FRAS1: variants seen among roughly 807,000 people sequenced by gnomAD.
The protein encoded by FRAS1 is extracellular matrix organizing protein FRAS1.
In FRAS1, 290 loss-of-function variants were observed where a neutral mutation model predicts 435.2. The ratio of observed to expected loss-of-function variants is 0.67; its 90% CI spans 0.61 to 0.73. FRAS1 has a LOEUF of 0.73. Among genes scored for constraint, FRAS1 ranks in the 30% least tolerant of loss-of-function variants. The pLI, the probability that FRAS1 is intolerant of heterozygous loss-of-function variation, is 0.00. For synonymous variants in FRAS1, 1,800 were observed against 1,851.0 expected (o/e 0.97, Z 0.71); for missense variants, 4,860 against 5,001.5 (o/e 0.97, Z 0.85).
intron 14 of FRAS1, among the ~76,000 whole-genome samples, chr4:78,302,442 C>T (rs572309981): frequency 1.6e-4 from 24 of 151,942 alleles, no homozygotes; most frequent in Non-Finnish European, 3.2e-4. Context: ...CTGACTTCCA[C>T]AATGGGTGAA....
chr4:78,065,915 AG>A (rs1308872056), intron 1 of FRAS1, 69 bp from the exon 2 acceptor site: 3 of 1,171,854 alleles, frequency 2.6e-6, no homozygotes, highest in Admixed American at 1.9e-5. Flanking sequence ...TTTAGCAGCA[AG>A]CTTGCTGGGG....
intron 2 of FRAS1, among the ~76,000 whole-genome samples, chr4:78,165,419 A>G (rs1268808591): frequency 6.6e-6 from 1 of 152,242 alleles, no homozygotes. Flanking sequence ...TCAAACTGCT[A>G]AATTAGAAGA....
At chr4:78,406,398 T>C (rs1237887841) in intron 30 of FRAS1, among the ~76,000 whole-genome samples, 3 of 152,212 alleles carry the variant, frequency 2.0e-5, no homozygotes, top group Non-Finnish European at 4.4e-5. Flanking sequence ...CAGTTCCACA[T>C]GGCTGGGGAG....
At chr4:78,355,104 T>A (rs1421464260) in intron 20 of FRAS1, among the ~76,000 whole-genome samples, 1 of 152,114 alleles carries the variant, frequency 6.6e-6, no homozygotes, top group Non-Finnish European at 1.5e-5. Flanking sequence ...CATGTCTACG[T>A]GCTGTGCATA....
At chr4:78,467,305 T>A (rs1008947736) in intron 50 of FRAS1, among the ~76,000 whole-genome samples, 16 of 152,182 alleles carry the variant, frequency 1.1e-4, no homozygotes. Context: ...TTAGATCCCA[T>A]ATATAAGTGA....
In FRAS1 at chr4:78,448,093, G is replaced by C; in HGVS notation, c.6051G>C (p.Glu2017Asp). 6.2e-7 allele frequency: 1 copy of C among 1,613,032 alleles called. No individual in the cohort carries two copies. The highest frequency in any genetic ancestry group is 8.5e-7 in the Non-Finnish European group (1 of 1,179,488). The change falls in exon 44 of 74, where the codon GAG becomes GAC. Residue 2017 changes from glutamate (E) to aspartate (D), a missense_variant. Transcript: ENST00000512123. ...LWRQTASEPL[E>D]NGRVLVQGST... The stretch of plus-strand genomic sequence containing the variant: ...GGCAAACTGCTTCTGAGCCTCTGGA[G>C]AATGGGAGAGTTTTAGTCCAGGGCT...
At chr4:78,255,411 G>A in intron 6 of FRAS1, 36 bp downstream of exon 6, 1 of 1,546,034 alleles carries the variant, frequency 6.5e-7, no homozygotes, top group South Asian at 1.2e-5. Flanking sequence ...GCCTTCACGG[G>A]CTATTGAAGA....
chr4:78,342,110 C>T lies in FRAS1; in HGVS notation c.2422+4293C>T, dbSNP rs546599678. Among the ~76,000 whole-genome samples the T allele has an allele frequency of 3.3e-5, 5 of 152,290 alleles. No homozygotes were observed. In the East Asian group the frequency reaches 7.7e-4, roughly 24 times the overall value. On this transcript the variant is annotated intron_variant, in intron 20 of 73. Coordinates refer to ENST00000512123, the MANE Select transcript of FRAS1 (RefSeq NM_025074.7). ...GGGGCTGGCAATGTAATATCCTCTC[C>T]GTGTCCTTGGGAAGTCCTAGCTCAT...
At chr4:78,170,628 T>C (rs1240737706) in intron 2 of FRAS1, among the ~76,000 whole-genome samples, 2 of 152,118 alleles carry the variant, frequency 1.3e-5, no homozygotes, top group African/African-American at 4.8e-5. Flanking sequence ...AAATGCATCC[T>C]GGGGATTTCA....
chr4:78,264,598 G>A (rs1476378656), intron 6 of FRAS1, among the ~76,000 whole-genome samples: 1 of 152,164 alleles, frequency 6.6e-6, no homozygotes, highest in Non-Finnish European at 1.5e-5. Context: ...GTACTCAGAA[G>A]TCCTGCTGCC....
In FRAS1 at chr4:78,509,179, A is replaced by G. The variant is rs566704580; in HGVS notation, c.9780+173A>G. Among the ~76,000 whole-genome samples, 9 of 152,348 alleles carry G rather than the reference A, an allele frequency of 5.9e-5. No homozygotes were observed. The South Asian group carries it at 1.9e-3, about 32-fold the overall frequency. On this transcript the variant is annotated intron_variant, in intron 63 of 73. Coordinates refer to ENST00000512123, the MANE Select transcript of FRAS1 (RefSeq NM_025074.7). ...ACATAAGAAAAGGTTATATGCTGTA[A>G]TAGAAAACTAAGCTAGTTAGAAGAC...
At position 78,321,375 on chromosome 4, in the gene FRAS1, G is replaced by A. The variant is rs561830553; in HGVS notation, c.2137+2389G>A. Reference sequence around the variant, plus strand: ...CAGTATCCGTGCTATAAACCATCACGCTACTGTATTCCAGTGGCTGAAGAG... The same window carrying A: ...CAGTATCCGTGCTATAAACCATCACACTACTGTATTCCAGTGGCTGAAGAG... On this transcript the variant is annotated intron_variant, in intron 18 of 73. Coordinates refer to ENST00000512123, the MANE Select transcript of FRAS1 (RefSeq NM_025074.7). Among the ~76,000 whole-genome samples, 6 of 152,258 alleles carry A rather than the reference G, an allele frequency of 3.9e-5. No homozygotes were observed. In the South Asian group the frequency reaches 6.2e-4, roughly 16 times the overall value.
chr4:78,063,067 C>T (rs1053656100), intron 1 of FRAS1, among the ~76,000 whole-genome samples: 1 of 152,156 alleles, frequency 6.6e-6, no homozygotes, highest in African/African-American at 2.4e-5. Context: ...CTTTAAAGTT[C>T]CCTGCCATAA....
At chr4:78,469,945 ATGAT>A in intron 50 of FRAS1, 29 bp from the exon 51 acceptor site, 4 of 1,495,580 alleles carry the variant, frequency 2.7e-6, no homozygotes, top group African/African-American at 1.4e-5. Context: ...GTACTTGTGA[ATGAT>A]GAGTTTTCTT....
chr4:78,400,937 AG>A, intron 30 of FRAS1, 50 bp downstream of exon 30: 2 of 1,584,460 alleles, frequency 1.3e-6, no homozygotes, highest in South Asian at 2.3e-5. Flanking sequence ...TCAGCAGTCT[AG>A]GGTTTGCTAC....
intron 2 of FRAS1, among the ~76,000 whole-genome samples, chr4:78,116,991 G>A (rs1419571933): frequency 6.6e-6 from 1 of 152,160 alleles, no homozygotes; most frequent in Non-Finnish European, 1.5e-5. Context: ...TCCATGTTTA[G>A]TGCTTCCTTC....
chr4:78,346,252 C>A (rs747284012), intron 20 of FRAS1, among the ~76,000 whole-genome samples: 2 of 152,186 alleles, frequency 1.3e-5, no homozygotes, highest in African/African-American at 4.8e-5. Flanking sequence ...TCTGATTGGG[C>A]CCACTAATAA....
At chr4:78,136,789 T>C (rs1229377961) in intron 2 of FRAS1, among the ~76,000 whole-genome samples, 1 of 152,244 alleles carries the variant, frequency 6.6e-6, no homozygotes, top group African/African-American at 2.4e-5. Flanking sequence ...TTAGAGCTGC[T>C]GTGCTGACAC....
At chr4:78,060,221 T>G (rs1464060106) in intron 1 of FRAS1, among the ~76,000 whole-genome samples, 2 of 152,220 alleles carry the variant, frequency 1.3e-5, no homozygotes, top group African/African-American at 4.8e-5. Flanking sequence ...TGATGAGACC[T>G]CTGGTTTGGT....
Sources: allele counts gnomAD v4.1 joint callset (sites outside exome capture counted in the v4.1 genomes callset), GRCh38; gene constraint gnomAD v4.1.1; transcripts MANE v1.5; gene names NCBI Gene and HGNC (gene_info 2026-07-23, HGNC 2026-07-21).